The following SLC47A2 variants were observed in gnomAD, a reference collection of about 807,000 sequenced individuals.
SLC47A2 encodes the protein multidrug and toxin extrusion protein 2.
SLC47A2 carries 52 observed loss-of-function variants against 67.7 expected under a neutral mutation model. The ratio of observed to expected loss-of-function variants is 0.77; its 90% CI spans 0.61 to 0.97. The LOEUF is 0.97. SLC47A2 is among the 50% of genes least tolerant of loss of function. The pLI, the probability that SLC47A2 is intolerant of heterozygous loss-of-function variation, is 0.00. For missense variants in SLC47A2, 676 were observed against 712.3 expected, an observed-to-expected ratio of 0.95 and a Z score of 0.58; for synonymous variants, 278 against 292.9, an observed-to-expected ratio of 0.95 and a Z score of 0.52.
upstream of SLC47A2, chr17:19,718,147 C>G (rs529473684): frequency 6.6e-6 from 1 of 152,530 alleles, no homozygotes; most frequent in African/African-American, 2.4e-5. Context: ...CTCCTGCATC[C>G]AGGGGACCTG....
chr17:19,680,747 CG>C (rs199609110), intron 15 of SLC47A2, among the ~76,000 whole-genome samples: 3,430 of 152,176 alleles, frequency 0.023, 67 homozygotes, highest in African/African-American at 0.051. Flanking sequence ...GGCACACGCT[CG>C]GGGGTTCATC....
intron 11 of SLC47A2, 115 bp from the exon 12 acceptor site, chr17:19,703,282 C>A: frequency 2.2e-6 from 2 of 906,790 alleles, no homozygotes; most frequent in African/African-American, 1.7e-5. Flanking sequence ...CCTCTGCAAC[C>A]AGGTGCCTTT....
chr17:19,703,106 A>C lies in SLC47A2; in HGVS notation c.1080T>G (p.Ile360Met), dbSNP rs767050577. ...ISILKNQLGHIFTNDEDVIAL... is the reference protein window; with the variant it reads ...ISILKNQLGHMFTNDEDVIAL... ...TGATTACCTACTCATCATTGGTAAA[A>C]ATATGCCCCAGCTGATTTTTCAGGA... is the stretch of plus-strand genomic sequence containing the variant. The change falls in exon 12 of 17, where the codon ATT becomes ATG. Residue 360 changes from isoleucine (I) to methionine (M), a missense_variant. Physicochemically the swap from Ile to Met is conservative, Grantham distance 10. Transcript: ENST00000433844. The C allele has an allele frequency of 6.2e-7, 1 of 1,614,184 alleles. No homozygotes were observed. The highest frequency in any genetic ancestry group is 8.5e-7 in the Non-Finnish European group (1 of 1,180,022).
At chr17:19,695,891 T>G (rs978025592) in intron 13 of SLC47A2, among the ~76,000 whole-genome samples, 1 of 151,812 alleles carries the variant, frequency 6.6e-6, no homozygotes, top group African/African-American at 2.4e-5. Context: ...GCCCAGCTAA[T>G]TTTTGTATTA....
intron 10 of SLC47A2, chr17:19,704,802 C>A: frequency 1.3e-6 from 1 of 742,448 alleles, no homozygotes; most frequent in Non-Finnish European, 2.1e-6. Context: ...GGAATGTGGC[C>A]TGCTGCTCGA....
At position 19,678,869 on chromosome 17, in the gene SLC47A2, C is replaced by A. The variant is rs1307560009; in HGVS notation, c.1518G>T (p.Thr506=). 1.1e-5 allele frequency: 17 copies of A among 1,599,598 alleles called. No homozygotes were observed. The highest frequency in any genetic ancestry group is 1.1e-5 in the Non-Finnish European group (13 of 1,172,272). The change falls in exon 17 of 17, where the codon ACG becomes ACT. Residue 506 remains threonine, a synonymous_variant. Transcript: ENST00000433844. Reference sequence around the variant, plus strand: ...CCACGTGGCACTCAGACCTTGAATACGTTGTCAAGGTAATGCCAGGGGAAC... The same window carrying A: ...CCACGTGGCACTCAGACCTTGAATAAGTTGTCAAGGTAATGCCAGGGGAAC... ...TGSSPGITLT[T]YSRSECHVDF...
intron 13 of SLC47A2, among the ~76,000 whole-genome samples, chr17:19,687,000 TCTC>T (rs1293968089): frequency 2.0e-5 from 3 of 152,148 alleles, no homozygotes; most frequent in Non-Finnish European, 2.9e-5. Flanking sequence ...TACACATTCT[TCTC>T]CTCAACATAT....
chr17:19,705,125 A>G, intron 10 of SLC47A2: 1 of 418,856 alleles, frequency 2.4e-6, no homozygotes, highest in South Asian at 3.4e-5. Context: ...CCCAGCCTGG[A>G]ATGTGCATTT....
chr17:19,704,219 C>T, intron 10 of SLC47A2, 41 bp from the exon 11 acceptor site: 1 of 1,538,568 alleles, frequency 6.5e-7, no homozygotes, highest in East Asian at 2.3e-5. Context: ...TGGGCCCACC[C>T]TCCAACCCCT....
In SLC47A2 at chr17:19,716,582, C is replaced by A. The variant is rs1449682388; in HGVS notation, c.-27G>T. On this transcript the variant is annotated 5_prime_UTR_variant, in exon 1 of 17. Coordinates refer to ENST00000433844, the MANE Select transcript of SLC47A2 (RefSeq NM_001099646.3). ...CCTGGCCGGGGCACTGGCTACCCTG[C>A]ACGCCTGAGCGCCTGCACGGCCAGC... 6.4e-7 allele frequency: 1 copy of A among 1,568,262 alleles called. No homozygotes were observed. The highest frequency in any genetic ancestry group is 1.2e-5 in the South Asian group (1 of 83,598).
In SLC47A2 at chr17:19,708,405, A is replaced by G; in HGVS notation, c.532-6T>C. 1.2e-6 allele frequency: 2 copies of G among 1,614,186 alleles called. No individual in the cohort carries two copies. Among genetic ancestry groups the G allele is most frequent in the Non-Finnish European group, 1.7e-6 (2 of 1,180,034 alleles). On this transcript the variant is annotated splice_polypyrimidine_tract_variant and splice_region_variant and intron_variant, in intron 6 of 16. Coordinates refer to ENST00000433844, the MANE Select transcript of SLC47A2 (RefSeq NM_001099646.3). ...ACTTGGGGCCAGGTGATCTTCTGAA[A>G]TAAATGAAAACTGGCCCTGCTAAGG...
At chr17:19,718,429 G>C (rs936042554), upstream of SLC47A2, 1 of 152,472 alleles carries the variant, frequency 6.6e-6, no homozygotes, top group Non-Finnish European at 1.5e-5. Context: ...AAGGTGTTCA[G>C]TGCAGACGCC....
chr17:19,712,650 A>G, intron 5 of SLC47A2, 53 bp downstream of exon 5: 1 of 1,594,472 alleles, frequency 6.3e-7, no homozygotes, highest in Non-Finnish European at 8.6e-7. Flanking sequence ...GGAAAGCAAA[A>G]AGCCAGAATT....
At chr17:19,691,924 G>T (rs2085549723) in intron 13 of SLC47A2, among the ~76,000 whole-genome samples, 1 of 152,080 alleles carries the variant, frequency 6.6e-6, no homozygotes, top group South Asian at 2.1e-4. Context: ...AAAAACAAAA[G>T]TTAGTTCTTA....
rs761075945 is a variant in SLC47A2 at position 19,715,137 on chromosome 17, T to A, written c.204A>T (p.Ala68=). 1 of 1,612,474 alleles carries A rather than the reference T, an allele frequency of 6.2e-7. No homozygotes were observed. The highest frequency in any genetic ancestry group is 8.5e-7 in the Non-Finnish European group (1 of 1,179,988). Residue 68 remains alanine (A), a synonymous_variant, in exon 2 of 17, where the codon GCA becomes GCT. Transcript: ENST00000433844. The stretch of plus-strand genomic sequence containing the variant: ...TCACGGCCACCGCGAGGGTCACCGA[T>A]GCCAGCTCCACCTTGCCCAGGTGCC... The part of the protein sequence containing the change: ...FCGHLGKVEL[A]SVTLAVAFVN...
At chr17:19,701,040 T>C (rs529675964) in intron 13 of SLC47A2, among the ~76,000 whole-genome samples, 1 of 151,508 alleles carries the variant, frequency 6.6e-6, no homozygotes, top group African/African-American at 2.4e-5. Context: ...TGGGGGTGCA[T>C]GCCTGTAATC....
chr17:19,698,693 T>A (rs765432895), intron 13 of SLC47A2, among the ~76,000 whole-genome samples: 14 of 152,192 alleles, frequency 9.2e-5, no homozygotes, highest in Non-Finnish European at 1.8e-4. Flanking sequence ...TTAAAAAAAA[T>A]TCTTTTAATT....
At position 19,678,681 on chromosome 17, in the gene SLC47A2, C is replaced by T. The variant is rs1446013630; in HGVS notation, c.*5G>A. ...CTCCTGGCTTTCTATTTCCAAGCTT[C>T]TTTGCTAGTGCCTGGTGGCTAGGAT... On this transcript the variant is annotated 3_prime_UTR_variant, in exon 17 of 17. Coordinates refer to ENST00000433844, the MANE Select transcript of SLC47A2 (RefSeq NM_001099646.3). The T allele has an allele frequency of 1.7e-5, 28 of 1,611,320 alleles. No homozygotes were observed. Among genetic ancestry groups the T allele is most frequent in the Non-Finnish European group, 2.4e-5 (28 of 1,179,168 alleles).
At chr17:19,680,892 G>A (rs2085297410) in intron 15 of SLC47A2, among the ~76,000 whole-genome samples, 1 of 152,140 alleles carries the variant, frequency 6.6e-6, no homozygotes, top group Non-Finnish European at 1.5e-5. Flanking sequence ...TACAGTGACA[G>A]GAGCCACTGT....
Sources: gnomAD v4.1 joint callset for allele counts (sites outside exome capture counted in the v4.1 genomes callset) on GRCh38, gnomAD v4.1.1 for gene constraint, MANE v1.5 for transcripts, NCBI Gene and HGNC (gene_info 2026-07-23, HGNC 2026-07-21) for gene names.